The following GALNT13 variants were observed in gnomAD, a reference collection of about 807,000 sequenced individuals.
GALNT13 encodes the protein polypeptide N-acetylgalactosaminyltransferase 13.
GALNT13 carries 28 observed loss-of-function variants against 64.2 expected under a neutral mutation model. The ratio of observed to expected loss-of-function variants is 0.44; its 90% CI spans 0.32 to 0.60. The LOEUF is 0.60. Ranked by LOEUF, GALNT13 falls within the 20% of genes least tolerant of loss-of-function variation. The pLI is 0.05. For missense variants in GALNT13, 577 were observed against 669.8 expected (o/e 0.86, Z 1.53); for synonymous variants, 214 against 224.6 (o/e 0.95, Z 0.42).
At chr2:154,152,093 G>A (rs1684070085) in intron 4 of GALNT13, among the ~76,000 whole-genome samples, 2 of 152,082 alleles carry the variant, frequency 1.3e-5, no homozygotes, top group African/African-American at 4.8e-5. Context: ...CATGTTCAGT[G>A]CCTCCTTCAG....
the GALNT13 span, among the ~76,000 whole-genome samples, chr2:153,697,837 A>G: frequency 6.6e-6 from 1 of 152,200 alleles, no homozygotes; most frequent in Non-Finnish European, 1.5e-5. Flanking sequence ...ACTCACTTGC[A>G]TTTGCCACTC....
chr2:153,791,323 A>T, the GALNT13 span, among the ~76,000 whole-genome samples: 1 of 152,332 alleles, frequency 6.6e-6, no homozygotes, highest in African/African-American at 2.4e-5. Flanking sequence ...CCATAATGTG[A>T]TACCATCTCA....
At chr2:153,686,125 G>T in the GALNT13 span, among the ~76,000 whole-genome samples, 2 of 151,782 alleles carry the variant, frequency 1.3e-5, no homozygotes, top group Non-Finnish European at 2.9e-5. Context: ...TGGCTGTTCG[G>T]GCTCTTTTTT....
chr2:153,704,212 A>C, the GALNT13 span, among the ~76,000 whole-genome samples: 12 of 152,142 alleles, frequency 7.9e-5, no homozygotes, highest in Non-Finnish European at 1.8e-4. Context: ...ACATCACTCA[A>C]CATTTTGACT....
the GALNT13 span, among the ~76,000 whole-genome samples, chr2:153,265,969 C>G: frequency 9.4e-4 from 143 of 152,008 alleles, 1 homozygote; most frequent in African/African-American, 3.4e-3. Flanking sequence ...CTCAGATGGT[C>G]GTTAACAATT....
At chr2:154,115,277 T>G (rs1574528268) in intron 3 of GALNT13, among the ~76,000 whole-genome samples, 1 of 152,136 alleles carries the variant, frequency 6.6e-6, no homozygotes, top group East Asian at 1.9e-4. Context: ...CTATTAGGAT[T>G]TTTTATTTTT....
chr2:153,217,715 C>T, the GALNT13 span, among the ~76,000 whole-genome samples: 3 of 152,110 alleles, frequency 2.0e-5, no homozygotes, highest in South Asian at 6.2e-4. Flanking sequence ...CCTTCTTACC[C>T]TACATGTTTC....
At chr2:153,819,416 A>G in the GALNT13 span, among the ~76,000 whole-genome samples, 1 of 152,154 alleles carries the variant, frequency 6.6e-6, no homozygotes, top group Non-Finnish European at 1.5e-5. Flanking sequence ...GCTGCCTATC[A>G]AGGAAGGGGA....
chr2:154,329,002 C>T (rs1695024559), intron 9 of GALNT13, among the ~76,000 whole-genome samples: 1 of 152,062 alleles, frequency 6.6e-6, no homozygotes, highest in South Asian at 2.1e-4. Flanking sequence ...TGTATTTTAT[C>T]TTTTCCTTAT....
chr2:153,501,064 TA>T, the GALNT13 span, among the ~76,000 whole-genome samples: 3,157 of 127,736 alleles, frequency 0.025, 107 homozygotes, highest in African/African-American at 0.083. Context: ...AAGTTACCAG[TA>T]AAAAAAAAAA....
intron 9 of GALNT13, among the ~76,000 whole-genome samples, chr2:154,313,741 T>C (rs193160496): frequency 6.8e-4 from 103 of 152,148 alleles, no homozygotes; most frequent in Middle Eastern, 3.4e-3. Context: ...GTGTGAGCCA[T>C]CATGCCTGGA....
chr2:154,039,732 T>G (rs1698871838), intron 3 of GALNT13, among the ~76,000 whole-genome samples: 1 of 139,074 alleles, frequency 7.2e-6, no homozygotes, highest in African/African-American at 2.5e-5. Context: ...TAACAATAAT[T>G]TATTGTATAT....
chr2:154,030,216 A>T (rs965399604), intron 3 of GALNT13, among the ~76,000 whole-genome samples: 1 of 152,132 alleles, frequency 6.6e-6, no homozygotes, highest in Non-Finnish European at 1.5e-5. Context: ...AGAACGATAC[A>T]CACATAAACA....
At chr2:153,246,734 A>C in the GALNT13 span, among the ~76,000 whole-genome samples, 3 of 152,366 alleles carry the variant, frequency 2.0e-5, no homozygotes, top group East Asian at 5.8e-4. Context: ...AAGAAACTGC[A>C]TCAACTAATG....
the GALNT13 span, among the ~76,000 whole-genome samples, chr2:153,794,897 G>T: frequency 6.6e-6 from 1 of 152,110 alleles, no homozygotes; most frequent in African/African-American, 2.4e-5. Flanking sequence ...TGATAAATGT[G>T]GTTAGAAGAA....
chr2:153,547,884 G>GC, the GALNT13 span, among the ~76,000 whole-genome samples: 1 of 152,174 alleles, frequency 6.6e-6, no homozygotes, highest in Non-Finnish European at 1.5e-5. Flanking sequence ...TGAGTTTTGA[G>GC]CCCTGGTTTT....
At chr2:154,377,217 C>A (rs1698040666) in intron 9 of GALNT13, among the ~76,000 whole-genome samples, 1 of 152,068 alleles carries the variant, frequency 6.6e-6, no homozygotes, top group Admixed American at 6.6e-5. Flanking sequence ...TATGATAATT[C>A]CTCTTTGATA....
At chr2:153,250,788 C>G in the GALNT13 span, among the ~76,000 whole-genome samples, 4 of 151,964 alleles carry the variant, frequency 2.6e-5, no homozygotes, top group Admixed American at 1.3e-4. Context: ...GAGCAGAAAA[C>G]CAAACACCGC....
intron 3 of GALNT13, among the ~76,000 whole-genome samples, chr2:154,117,952 G>A (rs1681696043): frequency 1.3e-5 from 2 of 152,166 alleles, no homozygotes; most frequent in Non-Finnish European, 2.9e-5. Context: ...TTTGGGGAAT[G>A]TTCCCTGCAG....
Sources: gnomAD v4.1 joint callset for allele counts (sites outside exome capture counted in the v4.1 genomes callset) on GRCh38, gnomAD v4.1.1 for gene constraint, MANE v1.5 for transcripts, NCBI Gene and HGNC (gene_info 2026-07-23, HGNC 2026-07-21) for gene names.